The following SLC5A11 variants were observed in gnomAD, a reference collection of about 807,000 sequenced individuals.
SLC5A11 encodes the protein solute carrier family 5 member 11.
Under a neutral mutation model 69.8 loss-of-function variants are expected in SLC5A11, and 48 were observed. The observed-to-expected ratio is 0.69, with a 90% CI of 0.55 to 0.87. SLC5A11 has a LOEUF of 0.87. Ranked by LOEUF, SLC5A11 falls within the 40% of genes least tolerant of loss-of-function variation. The pLI is 0.00. For synonymous variants in SLC5A11, 319 were observed against 342.4 expected (o/e 0.93, Z 0.75); for missense variants, 784 against 866.1 (o/e 0.91, Z 1.19).
At position 24,865,931 on chromosome 16, in the gene SLC5A11, A is replaced by C. The variant is rs140551205; in HGVS notation, c.207+3259A>C. 9.9e-5 allele frequency among the ~76,000 whole-genome samples: 15 copies of C among 152,052 alleles called. No individual in the cohort carries two copies. In the East Asian group the frequency reaches 2.7e-3, roughly 28 times the overall value. On this transcript the variant is annotated intron_variant, in intron 3 of 15. Coordinates refer to ENST00000347898, the Ensembl canonical transcript of SLC5A11. ...CTTTTTCTTCTCTCTAATTTAAAAGACAGTTGCATAAATAGCATAAAAGGT... is the reference window on the plus strand; with the variant it reads ...CTTTTTCTTCTCTCTAATTTAAAAGCCAGTTGCATAAATAGCATAAAAGGT...
chr16:24,851,100 T>C (rs1310461844), intron 1 of SLC5A11, among the ~76,000 whole-genome samples: 2 of 151,354 alleles, frequency 1.3e-5, no homozygotes, highest in East Asian at 2.0e-4. Flanking sequence ...CATAAGCCAC[T>C]GCACCCGGCC....
chr16:24,911,260 G>A, intron 15 of SLC5A11, 68 bp from the exon 17 acceptor site: 2 of 1,453,560 alleles, frequency 1.4e-6, no homozygotes, highest in Non-Finnish European at 1.9e-6. Context: ...TCTGGTGAGT[G>A]TCCCTGTCTC....
intron 12 of SLC5A11, among the ~76,000 whole-genome samples, chr16:24,907,631 C>T (rs1217454020): frequency 1.3e-5 from 2 of 151,966 alleles, no homozygotes; most frequent in Non-Finnish European, 2.9e-5. Flanking sequence ...TCGTTTGAAC[C>T]CAGGAGGCAG....
At chr16:24,859,988 A>G (rs1469465354) in intron 2 of SLC5A11, among the ~76,000 whole-genome samples, 1 of 152,102 alleles carries the variant, frequency 6.6e-6, no homozygotes, top group Non-Finnish European at 1.5e-5. Flanking sequence ...CATCTTTACT[A>G]AAAATACAAA....
chr16:24,856,597 CAAAAAAAAAAAA>C (rs35867622), intron 1 of SLC5A11, among the ~76,000 whole-genome samples: 1 of 88,830 alleles, frequency 1.1e-5, no homozygotes, highest in Non-Finnish European at 2.1e-5. Context: ...ACTAAAAATA[CAAAAAAAAAAAA>C]AAAAAAAAAA....
intron 10 of SLC5A11, among the ~76,000 whole-genome samples, 159 bp downstream of exon 11, chr16:24,898,268 G>A (rs970540892): frequency 4.6e-5 from 7 of 152,226 alleles, no homozygotes; most frequent in African/African-American, 1.7e-4. Context: ...TTGGAGTGCA[G>A]TGGTATGGTC....
At chr16:24,869,692 A>G (rs1482957552) in intron 3 of SLC5A11, among the ~76,000 whole-genome samples, 1 of 152,202 alleles carries the variant, frequency 6.6e-6, no homozygotes, top group African/African-American at 2.4e-5. Context: ...TTATTCTACC[A>G]ATTTCTGACA....
At chr16:24,856,658 C>T (rs2059548711) in intron 1 of SLC5A11, among the ~76,000 whole-genome samples, 2 of 148,546 alleles carry the variant, frequency 1.3e-5, no homozygotes, top group Admixed American at 1.3e-4. Context: ...GTAGTCCCAG[C>T]TACTCAGGAG....
intron 1 of SLC5A11, among the ~76,000 whole-genome samples, chr16:24,850,889 CA>C (rs955359955): frequency 2.0e-5 from 3 of 151,912 alleles, no homozygotes; most frequent in African/African-American, 7.2e-5. Flanking sequence ...CAGCTCACTG[CA>C]ACCTCCACCT....
chr16:24,906,584 C>T (rs1245485009), intron 10 of SLC5A11, 73 bp from the exon 12 acceptor site: 13 of 875,960 alleles, frequency 1.5e-5, no homozygotes, highest in South Asian at 1.1e-4. Context: ...AGCCTGTGTC[C>T]GGCCCCATGT....
chr16:24,895,636 T>C (rs928876978), intron 9 of SLC5A11, among the ~76,000 whole-genome samples: 5 of 151,412 alleles, frequency 3.3e-5, no homozygotes, highest in Non-Finnish European at 5.9e-5. Context: ...GACCCCTCAG[T>C]TGGACAGCCA....
At chr16:24,872,009 T>C in intron 4 of SLC5A11, 151 bp from the exon 6 acceptor site, 7 of 846,420 alleles carry the variant, frequency 8.3e-6, no homozygotes, top group Non-Finnish European at 1.4e-5. Flanking sequence ...AAAAGGAAAT[T>C]TGAAGGCCAG....
intron 12 of SLC5A11, 62 bp from the exon 14 acceptor site, chr16:24,907,901 A>G: frequency 6.3e-7 from 1 of 1,580,912 alleles, no homozygotes. Flanking sequence ...AGAGACAGAG[A>G]GAGGGAAAGA....
chr16:24,852,822 C>G (rs1280023632), intron 1 of SLC5A11, among the ~76,000 whole-genome samples: 1 of 151,828 alleles, frequency 6.6e-6, no homozygotes, highest in Admixed American at 6.6e-5. Context: ...GGGCCTAGCA[C>G]AGAGCATGGC....
intron 10 of SLC5A11, among the ~76,000 whole-genome samples, chr16:24,901,443 C>T (rs186754642): frequency 2.6e-5 from 4 of 151,802 alleles, no homozygotes; most frequent in South Asian, 4.2e-4. Flanking sequence ...GATGAAACCT[C>T]GTATCTACAA....
chr16:24,871,947 G>A (rs1402486427), intron 4 of SLC5A11, among the ~76,000 whole-genome samples: 1 of 152,078 alleles, frequency 6.6e-6, no homozygotes, highest in African/African-American at 2.4e-5. Flanking sequence ...GCATCGCAAA[G>A]GCCTTCTTTT....
At chr16:24,878,362 C>A (rs1005401172) in intron 7 of SLC5A11, among the ~76,000 whole-genome samples, 1 of 152,186 alleles carries the variant, frequency 6.6e-6, no homozygotes, top group Non-Finnish European at 1.5e-5. Flanking sequence ...TACCTGTATC[C>A]TAGAAGAGTG....
intron 9 of SLC5A11, 24 bp from the exon 11 acceptor site, chr16:24,897,950 T>G: frequency 1.2e-6 from 2 of 1,612,308 alleles, no homozygotes; most frequent in Non-Finnish European, 1.7e-6. Context: ...ATTCCCAGTT[T>G]CCAACCCCCT....
At chr16:24,849,548 C>A (rs1368959769) in intron 1 of SLC5A11, among the ~76,000 whole-genome samples, 4 of 116,298 alleles carry the variant, frequency 3.4e-5, no homozygotes, top group Admixed American at 1.1e-4. Context: ...GCCTGGGTAA[C>A]AGAGCGAGAC....
Sources: allele counts gnomAD v4.1 joint callset (sites outside exome capture counted in the v4.1 genomes callset), GRCh38; gene constraint gnomAD v4.1.1; transcripts MANE v1.5; gene names NCBI Gene and HGNC (gene_info 2026-07-23, HGNC 2026-07-21).